Variants in DLGAP2 observed in about 807,000 individuals in gnomAD.
DLGAP2 encodes disks large-associated protein 2.
Under a neutral mutation model 100.3 loss-of-function variants are expected in DLGAP2, and 26 were observed. The observed-to-expected ratio is 0.26, with a 90% CI of 0.19 to 0.36. The LOEUF (loss-of-function observed/expected upper bound fraction) is 0.36. DLGAP2 is among the 10% of genes least tolerant of loss of function. The probability of loss-of-function intolerance (pLI) is 1.00; values close to 1 mark genes in which losing one functional copy is unlikely to be tolerated. For synonymous variants in DLGAP2, 886 were observed against 630.1 expected (o/e 1.41, Z -6.08); for missense variants, 1,858 against 1,453.2 (o/e 1.28, Z -4.53).
intron 2 of DLGAP2, among the ~76,000 whole-genome samples, chr8:1,078,862 A>G (rs979381141): frequency 6.6e-6 from 1 of 152,222 alleles, no homozygotes; most frequent in Non-Finnish European, 1.5e-5. Context: ...AGCTACTGTA[A>G]ACACTTGTGT....
chr8:1,275,472 ACTTCATT>A (rs537533294), intron 3 of DLGAP2, among the ~76,000 whole-genome samples: 501 of 151,956 alleles, frequency 3.3e-3, no homozygotes, highest in Middle Eastern at 0.01. Context: ...TCCGGAGATG[ACTTCATT>A]CTCCAGTCAG....
intron 1 of DLGAP2, among the ~76,000 whole-genome samples, chr8:894,297 G>T (rs542276323): frequency 3.9e-5 from 6 of 152,294 alleles, no homozygotes; most frequent in Admixed American, 6.5e-5. Context: ...AGACATCTCT[G>T]TGTTACAGAG....
At chr8:1,607,317 T>A (rs1796832170) in intron 6 of DLGAP2, among the ~76,000 whole-genome samples, 1 of 152,228 alleles carries the variant, frequency 6.6e-6, no homozygotes. Flanking sequence ...AATGTGTATG[T>A]TCATCAGTAT....
At position 1,242,500 on chromosome 8, in the gene DLGAP2, A is replaced by T. The variant is rs150973879; in HGVS notation, c.74-16351A>T. ...AAATGTCCCATCCCTGGAATGTTGC[A>T]CCAACCCCGCCCACTTCCTCTTCAA... On this transcript the variant is annotated intron_variant, in intron 2 of 14. Coordinates refer to ENST00000637795, the MANE Select transcript of DLGAP2 (RefSeq NM_001346810.2). Among the ~76,000 whole-genome samples the T allele has an allele frequency of 3.4e-3, 524 of 152,294 alleles. 4 individuals carry two copies. Among genetic ancestry groups the T allele is most frequent in the African/African-American group, 0.012 (495 of 41,544 alleles).
chr8:876,434 T>C lies in DLGAP2; in HGVS notation c.19-31478T>C, dbSNP rs1033056944. On this transcript the variant is annotated intron_variant, in intron 1 of 14. Transcript: ENST00000637795. Reference sequence around the variant, plus strand: ...GTGATAGACAGTTTTGTTTTTCTTTTGAATACTTTCAGTATGTTATACCAC... The same window carrying C: ...GTGATAGACAGTTTTGTTTTTCTTTCGAATACTTTCAGTATGTTATACCAC... 5.3e-5 allele frequency among the ~76,000 whole-genome samples: 8 copies of C among 152,348 alleles called. No homozygotes were observed. The East Asian group carries it at 1.5e-3, about 29-fold the overall frequency.
rs550654264 is a variant in DLGAP2 at position 1,277,429 on chromosome 8, A to G, written c.106+18546A>G. Among the ~76,000 whole-genome samples, 128 of 152,342 alleles carry G rather than the reference A, an allele frequency of 8.4e-4. 1 individual carries two copies. The highest frequency in any genetic ancestry group is 2.9e-3 in the African/African-American group (120 of 41,576). On this transcript the variant is annotated intron_variant, in intron 3 of 14. Coordinates refer to ENST00000637795, the MANE Select transcript of DLGAP2 (RefSeq NM_001346810.2). ...GAGAAATACATAGAGCAAGAAGCAT[A>G]TAAAACAAACATCTGACCTGTGATA...
intron 1 of DLGAP2, among the ~76,000 whole-genome samples, chr8:757,640 G>A (rs981702803): frequency 2.0e-5 from 3 of 152,182 alleles, no homozygotes; most frequent in Non-Finnish European, 4.4e-5. Flanking sequence ...GTCCACAGGC[G>A]GGCTGAGGGT....
intron 1 of DLGAP2, among the ~76,000 whole-genome samples, chr8:741,223 G>A (rs1820474057): frequency 6.6e-6 from 1 of 152,184 alleles, no homozygotes; most frequent in Non-Finnish European, 1.5e-5. Flanking sequence ...ATGGGCTTTG[G>A]CATTGACCAG....
At chr8:1,137,191 A>G (rs1465249299) in intron 2 of DLGAP2, 1 of 152,226 alleles carries the variant, frequency 6.6e-6, no homozygotes, top group Non-Finnish European at 1.5e-5. Context: ...CCCTCTGTGC[A>G]TGAGTAGGGG....
intron 1 of DLGAP2, among the ~76,000 whole-genome samples, chr8:892,198 C>G (rs1161917719): frequency 6.6e-6 from 1 of 152,180 alleles, no homozygotes; most frequent in African/African-American, 2.4e-5. Flanking sequence ...CGTTCCCCTC[C>G]TGAGTTGATC....
intron 2 of DLGAP2, among the ~76,000 whole-genome samples, chr8:969,005 C>T (rs1442574700): frequency 6.6e-6 from 1 of 152,198 alleles, no homozygotes; most frequent in Non-Finnish European, 1.5e-5. Flanking sequence ...TGTGTGGGTT[C>T]ATCTGTGGCT....
At chr8:910,947 C>G (rs1031798743) in intron 2 of DLGAP2, among the ~76,000 whole-genome samples, 17 of 152,246 alleles carry the variant, frequency 1.1e-4, no homozygotes, top group African/African-American at 3.6e-4. Flanking sequence ...TGGACTTGGG[C>G]TGTCGAGTTT....
intron 1 of DLGAP2, among the ~76,000 whole-genome samples, chr8:785,086 A>G (rs949400291): frequency 6.6e-6 from 1 of 151,948 alleles, no homozygotes; most frequent in East Asian, 1.9e-4. Context: ...GTGTGGTGGC[A>G]GGCGCCTGTA....
intron 2 of DLGAP2, among the ~76,000 whole-genome samples, chr8:1,169,641 G>T (rs1585118475): frequency 6.6e-6 from 1 of 152,040 alleles, no homozygotes; most frequent in South Asian, 2.1e-4. Flanking sequence ...TCTCTTTGAA[G>T]CAATTGTGAA....
intron 2 of DLGAP2, among the ~76,000 whole-genome samples, chr8:1,010,239 CAT>C (rs531360921): frequency 5.8e-4 from 88 of 152,310 alleles, no homozygotes; most frequent in African/African-American, 1.9e-3. Flanking sequence ...CACATACACA[CAT>C]GTGCCCACAT....
chr8:918,377 T>G lies in DLGAP2; in HGVS notation c.73+10411T>G, dbSNP rs1004709733. ...CATTCGTAGAATTAGGGTTTACCAG[T>G]CGTCTGACAACCTGTGTCGCTTAGA... is the stretch of plus-strand genomic sequence containing the variant. On this transcript the variant is annotated intron_variant, in intron 2 of 14. Coordinates refer to ENST00000637795, the MANE Select transcript of DLGAP2 (RefSeq NM_001346810.2). 2.6e-5 allele frequency among the ~76,000 whole-genome samples: 4 copies of G among 152,238 alleles called. No homozygotes were observed. In the South Asian group the frequency reaches 6.2e-4, roughly 24 times the overall value.
chr8:890,398 C>T (rs547951749), intron 1 of DLGAP2, among the ~76,000 whole-genome samples: 78 of 152,272 alleles, frequency 5.1e-4, no homozygotes, highest in African/African-American at 1.6e-3. Context: ...GACCATGGAA[C>T]GTTTTTTTTC....
chr8:1,076,224 G>C (rs1391272109), intron 2 of DLGAP2, among the ~76,000 whole-genome samples: 1 of 152,144 alleles, frequency 6.6e-6, no homozygotes, highest in African/African-American at 2.4e-5. Context: ...TGTGCCACCC[G>C]CCTTCCTGCC....
At chr8:1,318,141 C>T (rs11782051) in intron 3 of DLGAP2, among the ~76,000 whole-genome samples, 1,296 of 90,134 alleles carry the variant, frequency 0.014, 19 homozygotes, top group Middle Eastern at 0.033. Context: ...CACTCGTCAG[C>T]GTTTAAAAAT....
Sources: allele counts gnomAD v4.1 joint callset (sites outside exome capture counted in the v4.1 genomes callset), GRCh38; gene constraint gnomAD v4.1.1; transcripts MANE v1.5; gene names NCBI Gene and HGNC (gene_info 2026-07-23, HGNC 2026-07-21).